The following EXOSC10 variants were observed in gnomAD, a reference collection of about 807,000 sequenced individuals.
EXOSC10 encodes exosome complex component 10.
A neutral mutation model predicts 126.6 loss-of-function variants in EXOSC10; 94 were observed. That is an observed-to-expected ratio of 0.74 (90% confidence interval 0.63 to 0.88). The LOEUF (loss-of-function observed/expected upper bound fraction) is 0.88, where lower values mean the gene tolerates loss of function less well. EXOSC10 is among the 40% of genes least tolerant of loss of function. The probability of loss-of-function intolerance (pLI) is 0.00; values close to 1 mark genes in which losing one functional copy is unlikely to be tolerated. For synonymous variants in EXOSC10, 395 were observed against 400.8 expected, an observed-to-expected ratio of 0.99 and a Z score of 0.17; for missense variants, 1,041 against 1,100.5, an observed-to-expected ratio of 0.95 and a Z score of 0.77.
chr1:11,070,265 T>TAAAAAAAAAAAAAA (rs35601923), intron 21 of EXOSC10, among the ~76,000 whole-genome samples: 5 of 100,574 alleles, frequency 5.0e-5, no homozygotes, highest in African/African-American at 8.7e-5. Context: ...AAAAGGAAAT[T>TAAAAAAAAAAAAAA]AAAAAAAAAA....
rs1169738528 is a variant in EXOSC10 at position 11,069,655 on chromosome 1, G to A, written c.2392C>T (p.Arg798Ter). 6 of 1,614,122 alleles carry A rather than the reference G, an allele frequency of 3.7e-6. No individual in the cohort carries two copies. The South Asian group carries it at 4.4e-5, about 12-fold the overall frequency. The change falls in exon 22 of 25, where the codon CGA (arginine) becomes TGA (stop). Residue 798 changes from arginine to a stop codon, truncating the protein, a stop_gained. Transcript: ENST00000376936. LOFTEE classifies it high-confidence loss of function. ...RTTEQKQEKK[R>*]LKISKKPKDP... ...TTTGGCTTCTTGGAAATTTTGAGTC[G>A]TTTCTTCTCTTGTTTCTGTTCTGTG...
At chr1:11,081,343 A>AG in intron 10 of EXOSC10, 105 bp from the exon 11 acceptor site, 16 of 1,280,362 alleles carry the variant, frequency 1.2e-5, no homozygotes, top group Non-Finnish European at 1.6e-5. Flanking sequence ...CCAATATGAA[A>AG]GATCCTTTCA....
At chr1:11,087,704 C>T (rs763584364) in intron 8 of EXOSC10, 96 bp downstream of exon 8, 101 of 1,471,786 alleles carry the variant, frequency 6.9e-5, no homozygotes, top group Non-Finnish European at 8.9e-5. Context: ...AATTTTTTAC[C>T]AAAAAAAATT....
In EXOSC10 at chr1:11,098,049, G is replaced by T; in HGVS notation, c.219C>A (p.Cys73Ter). 1 of 1,611,416 alleles carries T rather than the reference G, an allele frequency of 6.2e-7. No individual in the cohort carries two copies. Among genetic ancestry groups the T allele is most frequent in the East Asian group, 2.2e-5 (1 of 44,632 alleles). The change falls in exon 2 of 25, where the codon TGC (cysteine) becomes TGA (stop). Residue 73 changes from cysteine to a stop codon, truncating the protein, a stop_gained. Transcript: ENST00000376936. LOFTEE classifies it high-confidence loss of function. ...YRSFPGFQAF[C>*]ETQGDRLLQC... ...GAAGCAACCTGTCTCCCTGTGTTTC[G>T]CAAAATGCTTGGAAGCCAGGAAAAC...
At chr1:11,095,044 T>G (rs549440113) in intron 3 of EXOSC10, among the ~76,000 whole-genome samples, 12 of 152,118 alleles carry the variant, frequency 7.9e-5, no homozygotes, top group African/African-American at 2.9e-4. Flanking sequence ...AAACGATGTC[T>G]CTACTAAAAA....
At chr1:11,077,061 G>T in intron 16 of EXOSC10, 113 bp from the exon 17 acceptor site, 1 of 765,730 alleles carries the variant, frequency 1.3e-6, no homozygotes, top group Non-Finnish European at 2.2e-6. Context: ...GCACAATCTC[G>T]GCTCACTGCA....
At chr1:11,071,231 G>C in intron 20 of EXOSC10, 1 of 477,898 alleles carries the variant, frequency 2.1e-6, no homozygotes, top group East Asian at 3.3e-5. Context: ...TAAATGCTCA[G>C]TGGCCTGTGG....
At chr1:11,072,800 G>A (rs1298696736) in intron 19 of EXOSC10, 1 of 152,358 alleles carries the variant, frequency 6.6e-6, no homozygotes. Flanking sequence ...CCACACAGAG[G>A]AAGCCAGTCG....
intron 21 of EXOSC10, among the ~76,000 whole-genome samples, chr1:11,070,265 T>TAAAAAAAA (rs35601923): frequency 9.9e-6 from 1 of 100,556 alleles, no homozygotes; most frequent in Non-Finnish European, 1.8e-5. Flanking sequence ...AAAAGGAAAT[T>TAAAAAAAA]AAAAAAAAAA....
chr1:11,089,619 C>T (rs61773687), intron 6 of EXOSC10, among the ~76,000 whole-genome samples: 12 of 142,742 alleles, frequency 8.4e-5, no homozygotes, highest in African/African-American at 3.0e-4. Flanking sequence ...GAAACTCCGT[C>T]CCAAAAAAAA....
chr1:11,074,885 T>C (rs12119523), intron 17 of EXOSC10, among the ~76,000 whole-genome samples: 10,983 of 152,210 alleles, frequency 0.072, 619 homozygotes, highest in East Asian at 0.15. Flanking sequence ...ACTCTCACCA[T>C]CTTACAGAGG....
rs796334005 is a variant in EXOSC10 at position 11,079,338 on chromosome 1, AAAAC to A, written c.1749+369_1749+372del. The stretch of plus-strand genomic sequence containing the variant: ...GCGAGACTCCGTCTAAAAAAAACAA[AAAAC>A]AAACAAACAAAAAAAAAACAGGCTT... On this transcript the variant is annotated intron_variant, in intron 14 of 24. Coordinates refer to ENST00000376936, the MANE Select transcript of EXOSC10 (RefSeq NM_001001998.3). Among the ~76,000 whole-genome samples the A allele has an allele frequency of 6.2e-4, 94 of 151,228 alleles. 1 individual carries two copies. The highest frequency in any genetic ancestry group is 1.8e-3 in the African/African-American group (75 of 41,248).
intron 3 of EXOSC10, 43 bp from the exon 4 acceptor site, chr1:11,091,640 G>A: frequency 2.7e-6 from 4 of 1,462,806 alleles, no homozygotes; most frequent in Non-Finnish European, 3.8e-6. Flanking sequence ...TTCCTTTTGA[G>A]GTTAGCAGAG....
chr1:11,068,714 G>T lies in EXOSC10; in HGVS notation c.2489-8C>A. ...CTTTGGATTTGCTGTTTCCTGAAAG[G>T]TAAGAGATGAGAGAGACCTGCGGTC... On this transcript the variant is annotated splice_polypyrimidine_tract_variant and splice_region_variant and intron_variant, in intron 22 of 24. Transcript: ENST00000376936. 1.2e-6 allele frequency: 2 copies of T among 1,613,190 alleles called. No homozygotes were observed. The highest frequency in any genetic ancestry group is 1.7e-6 in the Non-Finnish European group (2 of 1,179,138).
chr1:11,083,562 CAAAAAAA>C lies in EXOSC10; in HGVS notation c.1090-691_1090-685del, dbSNP rs35412224. Among the ~76,000 whole-genome samples, 131 of 65,864 alleles carry C rather than the reference CAAAAAAA, an allele frequency of 2.0e-3. 3 individuals carry two copies. Among genetic ancestry groups the C allele is most frequent in the African/African-American group, 7.7e-3 (114 of 14,826 alleles). The allele number at this position is 65,864 out of a possible 152,430, so 43.2% of individuals were successfully genotyped here. ...GGGCAACAAGAGCAAAACTCCGTCT[CAAAAAAA>C]AAAAAAAAAAAAAAAATTAGATATA... On this transcript the variant is annotated intron_variant, in intron 9 of 24. Transcript: ENST00000376936.
rs376096037 is a variant in EXOSC10 at position 11,081,853 on chromosome 1, C to T, written c.1281-615G>A. Among the ~76,000 whole-genome samples the T allele has an allele frequency of 5.3e-5, 8 of 151,950 alleles. No individual in the cohort carries two copies. The East Asian group carries it at 5.8e-4, about 11-fold the overall frequency. On this transcript the variant is annotated intron_variant, in intron 10 of 24. Transcript: ENST00000376936. ...ATCCCAGCACTTTGGGAGGCGGAGG[C>T]GGGAGGATCACCTGAGGTCAGGAGT...
rs1276438348 is a variant in EXOSC10, at chr1:11,070,316, G to A, written c.2316+584C>T. Among the ~76,000 whole-genome samples, 9 of 145,218 alleles carry A rather than the reference G, an allele frequency of 6.2e-5. No homozygotes were observed. The South Asian group carries it at 1.8e-3, about 29-fold the overall frequency. On this transcript the variant is annotated intron_variant, in intron 21 of 24. Transcript: ENST00000376936. ...GGCAGGGGGCAGGGGTTAAGAATTC[G>A]AGTGATAGCCTGGGCAATATAGTGA...
chr1:11,084,393 T>TC (rs1640370168), intron 9 of EXOSC10, among the ~76,000 whole-genome samples: 1 of 152,260 alleles, frequency 6.6e-6, no homozygotes, highest in African/African-American at 2.4e-5. Context: ...GGTGAGCATT[T>TC]CTTCATGTGT....
At chr1:11,090,778 G>C in intron 5 of EXOSC10, 110 bp from the exon 6 acceptor site, 2 of 853,250 alleles carry the variant, frequency 2.3e-6, no homozygotes, top group Admixed American at 5.7e-5. Context: ...TTGAGACAGG[G>C]TCATGTTCTG....
Sources: gnomAD v4.1 joint callset for allele counts (sites outside exome capture counted in the v4.1 genomes callset) on GRCh38, gnomAD v4.1.1 for gene constraint, MANE v1.5 for transcripts, NCBI Gene and HGNC (gene_info 2026-07-23, HGNC 2026-07-21) for gene names.